The following MED26 variants were observed in gnomAD, a reference collection of about 807,000 sequenced individuals.
MED26 encodes the protein mediator of RNA polymerase II transcription subunit 26.
MED26 carries 7 observed loss-of-function variants against 43.7 expected under a neutral mutation model. The ratio of observed to expected loss-of-function variants is 0.16; its 90% CI spans 0.09 to 0.30. The LOEUF (loss-of-function observed/expected upper bound fraction) is 0.30. Ranked by LOEUF, MED26 falls within the 10% of genes least tolerant of loss-of-function variation. MED26 has a pLI of 1.00. For missense variants in MED26, 784 were observed against 840.6 expected (o/e 0.93, Z 0.83); for synonymous variants, 375 against 371.1 (o/e 1.01, Z -0.12).
At position 16,577,569 on chromosome 19, in the gene MED26, T is replaced by C. The variant is rs1351006667; in HGVS notation, c.261A>G (p.Ala87=). 6.2e-7 allele frequency: 1 copy of C among 1,609,746 alleles called. No individual in the cohort carries two copies. Among genetic ancestry groups the C allele is most frequent in the Non-Finnish European group, 8.5e-7 (1 of 1,177,032 alleles). ...CCCGCAGCGCCGCCTCATGCTGGTGTGCCGGCTCGATGAGCTTCTGCCAGC... is the reference window on the plus strand; with the variant it reads ...CCCGCAGCGCCGCCTCATGCTGGTGCGCCGGCTCGATGAGCTTCTGCCAGC... ...LRSWQKLIEP[A]HQHEAALRGL... The change falls in exon 3 of 3, where the codon GCA becomes GCG. Residue 87 remains alanine (A), a synonymous_variant. Coordinates refer to ENST00000263390, the MANE Select transcript of MED26 (RefSeq NM_004831.5). The surrounding 1 kb of genome is among the most constrained non-coding windows in gnomAD (Gnocchi z 8.1).
intron 1 of MED26, among the ~76,000 whole-genome samples, chr19:16,614,924 C>T (rs956337969): frequency 3.9e-5 from 6 of 152,222 alleles, no homozygotes; most frequent in Non-Finnish European, 5.9e-5. Flanking sequence ...TACCCCCAAG[C>T]CCAACTGGGT....
At chr19:16,605,261 T>G (rs919099397) in intron 1 of MED26, among the ~76,000 whole-genome samples, 3 of 152,174 alleles carry the variant, frequency 2.0e-5, no homozygotes, top group Non-Finnish European at 4.4e-5. Context: ...GTATGTAAAT[T>G]AGACCTCACT....
intron 1 of MED26, among the ~76,000 whole-genome samples, chr19:16,598,542 T>C (rs1256369750): frequency 6.6e-6 from 1 of 151,978 alleles, no homozygotes; most frequent in African/African-American, 2.4e-5. Flanking sequence ...TGGCATGAAC[T>C]GCCCCACTTG....
intron 1 of MED26, among the ~76,000 whole-genome samples, chr19:16,583,955 C>T (rs1415508043): frequency 6.6e-6 from 1 of 152,204 alleles, no homozygotes; most frequent in Non-Finnish European, 1.5e-5. Context: ...GCACAACCCT[C>T]AGCACACAGG....
intron 1 of MED26, among the ~76,000 whole-genome samples, chr19:16,582,276 T>C (rs988552715): frequency 6.6e-5 from 10 of 151,606 alleles, no homozygotes; most frequent in African/African-American, 2.2e-4. Flanking sequence ...CTGAACACTG[T>C]GTGGGGAGCA....
chr19:16,593,385 TTTC>T (rs2086106820), intron 1 of MED26, among the ~76,000 whole-genome samples: 1 of 152,204 alleles, frequency 6.6e-6, no homozygotes, highest in Non-Finnish European at 1.5e-5. Context: ...CTGCTCAGAC[TTTC>T]TTTAGCCCTC....
chr19:16,587,470 C>T lies in MED26; in HGVS notation c.73-9061G>A, dbSNP rs796945619. On this transcript the variant is annotated intron_variant, in intron 1 of 2. Transcript: ENST00000263390. The surrounding 1 kb of genome is among the most constrained non-coding windows in gnomAD (Gnocchi z 4.9). Reference sequence around the variant, plus strand: ...GGGGCTGGTGCAGGTCCACCAGGCTCTGCCCAGTGAAGGCACCTTCCTCTG... The same window carrying T: ...GGGGCTGGTGCAGGTCCACCAGGCTTTGCCCAGTGAAGGCACCTTCCTCTG... The T allele has an allele frequency of 5.1e-4, 78 of 152,452 alleles. 2 individuals carry two copies. Among genetic ancestry groups the T allele is most frequent in the African/African-American group, 1.8e-3 (75 of 41,588 alleles). 9.4% of individuals were successfully genotyped at this position (152,452 alleles called of 1,614,324 possible).
chr19:16,591,577 C>A (rs1599336395), intron 1 of MED26, among the ~76,000 whole-genome samples: 2 of 152,172 alleles, frequency 1.3e-5, no homozygotes, highest in African/African-American at 4.8e-5. Flanking sequence ...GCTGAACTTA[C>A]ACACACACCC....
At chr19:16,622,999 G>A (rs1050031068) in intron 1 of MED26, among the ~76,000 whole-genome samples, 4 of 152,116 alleles carry the variant, frequency 2.6e-5, no homozygotes, top group Non-Finnish European at 5.9e-5. Flanking sequence ...AGGGGCTGAC[G>A]TGACCATGGT....
intron 1 of MED26, among the ~76,000 whole-genome samples, chr19:16,605,112 G>A (rs1444862599): frequency 2.0e-5 from 3 of 152,176 alleles, no homozygotes; most frequent in Non-Finnish European, 4.4e-5. Flanking sequence ...TAGTTACACA[G>A]GTATACGAAT....
intron 1 of MED26, among the ~76,000 whole-genome samples, chr19:16,605,271 T>G (rs933240325): frequency 1.3e-5 from 2 of 152,204 alleles, no homozygotes; most frequent in African/African-American, 4.8e-5. Flanking sequence ...TAGACCTCAC[T>G]AAAGGCAGTT....
chr19:16,613,803 T>C (rs2086210600), intron 1 of MED26, among the ~76,000 whole-genome samples: 1 of 152,192 alleles, frequency 6.6e-6, no homozygotes, highest in Non-Finnish European at 1.5e-5. Flanking sequence ...ATAAAGTCCT[T>C]ATAGTCCCTT....
chr19:16,611,756 C>T (rs2086200426), intron 1 of MED26: 1 of 152,180 alleles, frequency 6.6e-6, no homozygotes. Context: ...CGGCTATAGG[C>T]TATTTGACTC....
chr19:16,584,638 A>G (rs2086062671), intron 1 of MED26, among the ~76,000 whole-genome samples: 1 of 152,200 alleles, frequency 6.6e-6, no homozygotes, highest in Non-Finnish European at 1.5e-5. Flanking sequence ...GTGAGCTATT[A>G]AAGACCCACC....
chr19:16,609,532 C>T (rs1402604197), intron 1 of MED26, among the ~76,000 whole-genome samples: 1 of 152,056 alleles, frequency 6.6e-6, no homozygotes, highest in African/African-American at 2.4e-5. Flanking sequence ...CATAAACTTA[C>T]ATGCATATTT....
intron 1 of MED26, among the ~76,000 whole-genome samples, chr19:16,612,574 C>A (rs531269686): frequency 1.3e-5 from 2 of 152,326 alleles, no homozygotes; most frequent in Admixed American, 1.3e-4. Flanking sequence ...GCTGGAGCCA[C>A]CATGCCTAGC....
chr19:16,620,062 A>G (rs750070631), intron 1 of MED26, among the ~76,000 whole-genome samples: 4 of 152,300 alleles, frequency 2.6e-5, no homozygotes, highest in Non-Finnish European at 5.9e-5. Flanking sequence ...GGTGAAAAAT[A>G]CCTGACGAGA....
intron 1 of MED26, among the ~76,000 whole-genome samples, chr19:16,624,113 A>T (rs573988791): frequency 5.0e-4 from 71 of 141,814 alleles, no homozygotes; most frequent in South Asian, 1.1e-3. Flanking sequence ...AAGATATATT[A>T]AAAAAAAAAA....
In MED26 at chr19:16,575,614, C is replaced by T. The variant is rs1011273366; in HGVS notation, c.*413G>A. ...CAGAAAATGCAAGAGAGATGAGATG[C>T]GTGCTTCTGTTGCTGTGTTAAAGGT... On this transcript the variant is annotated 3_prime_UTR_variant, in exon 3 of 3. Coordinates refer to ENST00000263390, the MANE Select transcript of MED26 (RefSeq NM_004831.5). The T allele has an allele frequency of 4.1e-4, 75 of 183,448 alleles. 1 individual carries two copies. Among genetic ancestry groups the T allele is most frequent in the African/African-American group, 8.9e-4 (38 of 42,764 alleles). 11.4% of individuals were successfully genotyped at this position (183,448 alleles called of 1,614,324 possible). A position where few individuals can be genotyped will look rare whatever the true frequency, so the allele number is the denominator to read the frequency against.
Sources: allele counts gnomAD v4.1 joint callset (sites outside exome capture counted in the v4.1 genomes callset), GRCh38; gene constraint gnomAD v4.1.1; non-coding constraint Gnocchi (gnomAD v3.1); transcripts MANE v1.5; gene names NCBI Gene and HGNC (gene_info 2026-07-23, HGNC 2026-07-21).